IL1RAPL2: variants seen among roughly 807,000 people sequenced by gnomAD.
IL1RAPL2 encodes interleukin 1 receptor accessory protein like 2.
IL1RAPL2 carries 3 observed loss-of-function variants against 44.1 expected under a neutral mutation model. The ratio of observed to expected loss-of-function variants is 0.07; its 90% confidence interval spans 0.03 to 0.18. The LOEUF is 0.18. Among genes scored for constraint, IL1RAPL2 ranks in the 10% least tolerant of loss-of-function variants. The pLI is 1.00. For missense variants in IL1RAPL2, 391 were observed against 496.4 expected, an observed-to-expected ratio of 0.79 and a Z score of 2.02; for synonymous variants, 181 against 178.8, an observed-to-expected ratio of 1.01 and a Z score of -0.10.
At chrX:104,915,841 CTTGT>C (rs1924407876) in intron 2 of IL1RAPL2, among the ~76,000 whole-genome samples, 1 of 111,685 alleles carries the variant, frequency 9.0e-6, no homozygotes, top group Non-Finnish European at 1.9e-5. Context: ...TCCCCCATTG[CTTGT>C]TTTTCTCAGG....
intron 2 of IL1RAPL2, among the ~76,000 whole-genome samples, chrX:104,967,430 A>G (rs1477811870): frequency 9.0e-6 from 1 of 111,674 alleles, no homozygotes; most frequent in Admixed American, 9.6e-5. Context: ...AGAAGTTAGT[A>G]GCATTAACTA....
intron 2 of IL1RAPL2, among the ~76,000 whole-genome samples, chrX:104,995,177 CTACTCTTTGTTTCTAGT>C (rs1054686479): frequency 3.6e-5 from 4 of 111,368 alleles, no homozygotes; most frequent in African/African-American, 1.3e-4. Context: ...ATTTGCTTAC[CTACTCTTTGTTTCTAGT>C]TACTCTTTGT....
intron 6 of IL1RAPL2, among the ~76,000 whole-genome samples, chrX:105,675,144 AC>A (rs1406683380): frequency 2.7e-5 from 3 of 110,959 alleles, no homozygotes; most frequent in Non-Finnish European, 5.7e-5. Flanking sequence ...CGATTTGAAT[AC>A]CCTTTATTTA....
intron 2 of IL1RAPL2, among the ~76,000 whole-genome samples, chrX:104,668,775 G>C (rs1033036793): frequency 2.3e-4 from 25 of 108,839 alleles, no homozygotes; most frequent in African/African-American, 8.0e-4. Flanking sequence ...CTCTGAAGTA[G>C]CGTTTTACCA....
intron 6 of IL1RAPL2, among the ~76,000 whole-genome samples, chrX:105,528,770 T>C (rs1464426080): frequency 1.8e-5 from 2 of 111,259 alleles, no homozygotes; most frequent in East Asian, 2.8e-4. Flanking sequence ...ACTATCATGT[T>C]CAAAAAGTTT....
At chrX:104,800,335 T>C (rs1200247785) in intron 2 of IL1RAPL2, among the ~76,000 whole-genome samples, 4 of 110,616 alleles carry the variant, frequency 3.6e-5, no homozygotes, top group Non-Finnish European at 7.6e-5. Context: ...AGATTATATA[T>C]GTATAGCATA....
chrX:104,836,350 T>G (rs1436791475), intron 2 of IL1RAPL2, among the ~76,000 whole-genome samples: 1 of 110,712 alleles, frequency 9.0e-6, no homozygotes. Flanking sequence ...TAGTATTTGA[T>G]AGCATAACAG....
In IL1RAPL2 at chrX:105,748,833, C is replaced by T. The variant is rs1000842517; in HGVS notation, c.1049-127C>T. 3.2e-5 allele frequency: 18 copies of T among 563,032 alleles called. No homozygotes were observed. In the East Asian group the frequency reaches 5.7e-4, roughly 18 times the overall value. The allele number at this position is 563,032 out of a possible 1,213,427, so 46.4% of individuals were successfully genotyped here. On this transcript the variant is annotated intron_variant, in intron 8 of 10. Transcript: ENST00000372582. ...TACAAATGTATCAAGAGCAAAGCTA[C>T]TGCATTAAGCAAGAATTTTCTGGAA...
intron 2 of IL1RAPL2, among the ~76,000 whole-genome samples, chrX:105,083,649 G>A (rs981101192): frequency 1.8e-5 from 2 of 112,183 alleles, no homozygotes; most frequent in African/African-American, 6.5e-5. Context: ...CCAGAAGAGA[G>A]TGGGAGCCAA....
intron 5 of IL1RAPL2, among the ~76,000 whole-genome samples, chrX:105,358,582 G>T (rs1203817248): frequency 9.3e-6 from 1 of 107,043 alleles, no homozygotes; most frequent in Non-Finnish European, 1.9e-5. Flanking sequence ...ACGATGAGGT[G>T]GAAGGACTGC....
intron 1 of IL1RAPL2, among the ~76,000 whole-genome samples, chrX:104,650,353 A>G (rs1930129739): frequency 8.9e-6 from 1 of 111,976 alleles, no homozygotes; most frequent in East Asian, 2.8e-4. Flanking sequence ...AAAAGTTATA[A>G]TGTAATAAAC....
chrX:105,360,907 T>C (rs1445164554), intron 5 of IL1RAPL2, among the ~76,000 whole-genome samples: 2 of 111,840 alleles, frequency 1.8e-5, no homozygotes, highest in Non-Finnish European at 3.8e-5. Context: ...ATTAAAGTGT[T>C]TGAAGCCAAC....
intron 5 of IL1RAPL2, among the ~76,000 whole-genome samples, chrX:105,447,684 A>T (rs1312606748): frequency 2.5e-5 from 2 of 81,197 alleles, no homozygotes; most frequent in East Asian, 8.1e-4. Flanking sequence ...TAAATATATT[A>T]AAAATATAAA....
At chrX:104,950,791 C>T (rs1371754104) in intron 2 of IL1RAPL2, among the ~76,000 whole-genome samples, 9 of 110,303 alleles carry the variant, frequency 8.2e-5, no homozygotes, top group Non-Finnish European at 1.7e-4. Context: ...ACTGCAGGCT[C>T]CGCCCCCTGG....
intron 2 of IL1RAPL2, among the ~76,000 whole-genome samples, chrX:104,945,107 A>G (rs1311109732): frequency 2.7e-5 from 3 of 111,741 alleles, no homozygotes; most frequent in Non-Finnish European, 5.6e-5. Context: ...ATTACATTTT[A>G]CATATGCATA....
intron 4 of IL1RAPL2, among the ~76,000 whole-genome samples, chrX:105,258,522 C>A (rs1357239062): frequency 8.9e-6 from 1 of 112,147 alleles, no homozygotes; most frequent in East Asian, 2.8e-4. Flanking sequence ...TCCTGAAATA[C>A]GTTTTCCAAG....
intron 6 of IL1RAPL2, among the ~76,000 whole-genome samples, chrX:105,486,851 G>C (rs1005078076): frequency 1.8e-5 from 2 of 109,725 alleles, no homozygotes; most frequent in Non-Finnish European, 3.8e-5. Context: ...CCAGCACTTT[G>C]GGAGGCCGAG....
chrX:105,159,581 G>A (rs868295309), intron 2 of IL1RAPL2, among the ~76,000 whole-genome samples: 1 of 112,554 alleles, frequency 8.9e-6, no homozygotes, highest in Non-Finnish European at 1.9e-5. Context: ...AATGGGATAA[G>A]AGGTCCTGAA....
chrX:104,971,381 A>G (rs1168567604), intron 2 of IL1RAPL2, among the ~76,000 whole-genome samples: 1 of 111,295 alleles, frequency 9.0e-6, no homozygotes, highest in African/African-American at 3.3e-5. Flanking sequence ...AGGTCTTCGG[A>G]GAGGTAAAAA....
Sources: gnomAD v4.1 joint callset for allele counts (sites outside exome capture counted in the v4.1 genomes callset) on GRCh38, gnomAD v4.1.1 for gene constraint, MANE v1.5 for transcripts, NCBI Gene and HGNC (gene_info 2026-07-23, HGNC 2026-07-21) for gene names.